Variants in YIPF1 observed in about 807,000 individuals in gnomAD.
The protein encoded by YIPF1 is protein YIPF1.
Under a neutral mutation model 37.0 loss-of-function variants are expected in YIPF1, and 22 were observed. That is an observed-to-expected ratio of 0.59 (90% CI 0.42 to 0.85). The LOEUF is 0.85. Among genes scored for constraint, YIPF1 ranks in the 40% least tolerant of loss-of-function variants. YIPF1 has a pLI of 0.00. For synonymous variants in YIPF1, 128 were observed against 131.9 expected (o/e 0.97, Z 0.21); for missense variants, 355 against 373.1 (o/e 0.95, Z 0.40).
chr1:53,872,136 T>C (rs962147869), intron 6 of YIPF1, among the ~76,000 whole-genome samples: 2 of 151,710 alleles, frequency 1.3e-5, no homozygotes, highest in Non-Finnish European at 2.9e-5. Flanking sequence ...AAAAGTAATA[T>C]ATGTATATGG....
chr1:53,851,896 T>C lies in YIPF1; in HGVS notation c.*383A>G, dbSNP rs1649603246. 1 of 152,200 alleles carries C rather than the reference T, an allele frequency of 6.6e-6. No homozygotes were observed. Among genetic ancestry groups the C allele is most frequent in the South Asian group, 2.1e-4 (1 of 4,832 alleles). The allele number at this position is 152,200 out of a possible 1,614,324, so 9.4% of individuals were successfully genotyped here. A position where few individuals can be genotyped will look rare whatever the true frequency, so the allele number is the denominator to read the frequency against. On this transcript the variant is annotated 3_prime_UTR_variant, in exon 11 of 11. Transcript: ENST00000072644. ...AGAAGAGGATCCCCCAGGTAGTCTG[T>C]ACATAATTCAGAGAGAGGACATCAG...
At chr1:53,878,243 A>G (rs1650385410) in intron 6 of YIPF1, 72 bp downstream of exon 6, 1 of 1,498,496 alleles carries the variant, frequency 6.7e-7, no homozygotes, top group Admixed American at 1.8e-5. Flanking sequence ...GCAGTTCTCC[A>G]CATTTCCAGG....
intron 9 of YIPF1, among the ~76,000 whole-genome samples, chr1:53,863,756 T>G (rs887661675): frequency 6.6e-6 from 1 of 152,138 alleles, no homozygotes; most frequent in Non-Finnish European, 1.5e-5. Context: ...TTTTGTTTTT[T>G]TGAGATGAAG....
intron 6 of YIPF1, among the ~76,000 whole-genome samples, chr1:53,875,986 G>A (rs1557608238): frequency 6.6e-6 from 1 of 152,054 alleles, no homozygotes; most frequent in Non-Finnish European, 1.5e-5. Flanking sequence ...ATTGCCTAAG[G>A]GTAGAGATTT....
chr1:53,867,495 C>A (rs12037642), intron 7 of YIPF1, among the ~76,000 whole-genome samples: 25,100 of 151,650 alleles, frequency 0.17, 2,348 homozygotes, highest in East Asian at 0.29. Flanking sequence ...GCCTCAGCCT[C>A]CCGAGTAGCT....
At chr1:53,880,302 G>A (rs6703639) in intron 4 of YIPF1, among the ~76,000 whole-genome samples, 93,431 of 151,738 alleles carry the variant, frequency 0.62, 29,386 homozygotes, top group East Asian at 0.86. Context: ...ATGAACTCTC[G>A]TTCTTTTGTA....
intron 6 of YIPF1, among the ~76,000 whole-genome samples, chr1:53,872,627 A>C (rs1472865100): frequency 1.3e-5 from 2 of 152,228 alleles, no homozygotes; most frequent in East Asian, 3.8e-4. Context: ...CAATTTCACT[A>C]ATATTTTGCA....
intron 6 of YIPF1, among the ~76,000 whole-genome samples, chr1:53,873,714 G>A (rs1007322684): frequency 9.2e-5 from 14 of 151,886 alleles, no homozygotes; most frequent in African/African-American, 3.4e-4. Context: ...GGGGGCGGGG[G>A]GGAATGCGGT....
intron 9 of YIPF1, among the ~76,000 whole-genome samples, chr1:53,861,797 T>A (rs545669798): frequency 2.0e-5 from 3 of 152,212 alleles, no homozygotes; most frequent in African/African-American, 7.2e-5. Context: ...GTGGATCATT[T>A]GAGGCCAGGA....
At position 53,856,422 on chromosome 1, in the gene YIPF1, G is replaced by C. The variant is rs553919735; in HGVS notation, c.*8+3634C>G. ...TACTTTGGGCCAAAAGAGAGACCCA[G>C]GAAACTGTTGCCATTGTGTTCTCTA... On this transcript the variant is annotated intron_variant, in intron 10 of 10. Coordinates refer to ENST00000072644, the MANE Select transcript of YIPF1 (RefSeq NM_018982.5). Among the ~76,000 whole-genome samples, 14 of 152,322 alleles carry C rather than the reference G, an allele frequency of 9.2e-5. No individual in the cohort carries two copies. The East Asian group carries it at 2.5e-3, about 27-fold the overall frequency.
At chr1:53,887,678 TC>T (rs779293073) in intron 3 of YIPF1, among the ~76,000 whole-genome samples, 4 of 150,190 alleles carry the variant, frequency 2.7e-5, no homozygotes, top group South Asian at 4.1e-4. Flanking sequence ...AATAGATTTA[TC>T]TTTAAACAGT....
chr1:53,887,230 C>T (rs1650679986), intron 3 of YIPF1, among the ~76,000 whole-genome samples: 1 of 151,976 alleles, frequency 6.6e-6, no homozygotes, highest in Non-Finnish European at 1.5e-5. Context: ...CAGGCGTGCA[C>T]CACCATGCCC....
intron 9 of YIPF1, among the ~76,000 whole-genome samples, chr1:53,861,675 A>AGGAAGGGAGGGGGGAAGGAAGGAG (rs1649881962): frequency 8.1e-6 from 1 of 122,886 alleles, no homozygotes; most frequent in Non-Finnish European, 1.7e-5. Flanking sequence ...GAAGGAAGGA[A>AGGAAGGGAGGGGGGAAGGAAGGAG]GGAAGGGAGA....
chr1:53,878,488 A>C lies in YIPF1; in HGVS notation c.277-86T>G, dbSNP rs987775537. ...TACAAAATTGAAACTCAGTCATTAG[A>C]GCTTTTATGATAGTATTTTCAAATG... On this transcript the variant is annotated intron_variant, in intron 5 of 10. Transcript: ENST00000072644. The C allele has an allele frequency of 6.6e-6, 10 of 1,507,724 alleles. No individual in the cohort carries two copies. The African/African-American group carries it at 1.4e-4, about 21-fold the overall frequency. 93.4% of individuals were successfully genotyped at this position (1,507,724 alleles called of 1,614,324 possible). A position where few individuals can be genotyped will look rare whatever the true frequency, so the allele number is the denominator to read the frequency against.
chr1:53,855,544 C>T (rs1462099988), intron 10 of YIPF1, among the ~76,000 whole-genome samples: 2 of 152,100 alleles, frequency 1.3e-5, no homozygotes, highest in African/African-American at 4.8e-5. Flanking sequence ...CAACAGACCA[C>T]GTATACAATG....
chr1:53,879,738 C>T (rs527295601), intron 4 of YIPF1, among the ~76,000 whole-genome samples: 6 of 152,166 alleles, frequency 3.9e-5, no homozygotes, highest in African/African-American at 1.4e-4. Flanking sequence ...TAAAGGAAAA[C>T]GGATGGCCGA....
At chr1:53,884,529 T>C (rs772381980) in intron 3 of YIPF1, among the ~76,000 whole-genome samples, 2 of 152,226 alleles carry the variant, frequency 1.3e-5, no homozygotes, top group Non-Finnish European at 2.9e-5. Flanking sequence ...TGATCACTTA[T>C]GTGACTGCAT....
chr1:53,853,829 C>A (rs1408679957), intron 10 of YIPF1, among the ~76,000 whole-genome samples: 1 of 152,204 alleles, frequency 6.6e-6, no homozygotes, highest in Non-Finnish European at 1.5e-5. Context: ...AAGGTAGGGA[C>A]AAACGGGCCC....
intron 6 of YIPF1, among the ~76,000 whole-genome samples, chr1:53,876,293 T>C (rs909832045): frequency 2.0e-5 from 3 of 152,204 alleles, no homozygotes; most frequent in Non-Finnish European, 4.4e-5. Flanking sequence ...GTATGTCCCC[T>C]GGTCTGTGGT....
Sources: gnomAD v4.1 joint callset for allele counts (sites outside exome capture counted in the v4.1 genomes callset) on GRCh38, gnomAD v4.1.1 for gene constraint, MANE v1.5 for transcripts, NCBI Gene and HGNC (gene_info 2026-07-23, HGNC 2026-07-21) for gene names.